ABLIM3: variants seen among roughly 807,000 people sequenced by gnomAD.
ABLIM3 encodes the protein actin-binding LIM protein 3.
ABLIM3 carries 61 observed loss-of-function variants against 109.5 expected under a neutral mutation model. The ratio of observed to expected loss-of-function variants is 0.56; its 90% confidence interval spans 0.45 to 0.69. The LOEUF (loss-of-function observed/expected upper bound fraction) is 0.69, where lower values mean the gene tolerates loss of function less well. Ranked by LOEUF, ABLIM3 falls within the 30% of genes least tolerant of loss-of-function variation. The probability of loss-of-function intolerance (pLI) is 0.00; values close to 1 mark genes in which losing one functional copy is unlikely to be tolerated. For synonymous variants in ABLIM3, 300 were observed against 324.8 expected, an observed-to-expected ratio of 0.92 and a Z score of 0.82; for missense variants, 796 against 889.5, an observed-to-expected ratio of 0.89 and a Z score of 1.34.
At chr5:149,185,714 CA>C (rs1225223098) in intron 3 of ABLIM3, among the ~76,000 whole-genome samples, 1 of 152,186 alleles carries the variant, frequency 6.6e-6, no homozygotes, top group African/African-American at 2.4e-5. Context: ...CAGCAATCAA[CA>C]TGACAATTAA....
chr5:149,207,244 G>A, intron 6 of ABLIM3, 110 bp downstream of exon 6: 1 of 1,456,378 alleles, frequency 6.9e-7, no homozygotes, highest in Non-Finnish European at 9.2e-7. Context: ...CTTTCCGTCT[G>A]CTGCTGCATT....
At chr5:149,252,564 T>C in intron 22 of ABLIM3, 193 bp from the exon 23 acceptor site, 1 of 591,592 alleles carries the variant, frequency 1.7e-6, no homozygotes, top group South Asian at 2.1e-5. Context: ...GGGGACTCTC[T>C]TGGGCCTTGT....
At chr5:149,150,580 T>C (rs1422191245) in intron 2 of ABLIM3, among the ~76,000 whole-genome samples, 2 of 152,208 alleles carry the variant, frequency 1.3e-5, no homozygotes, top group African/African-American at 4.8e-5. Flanking sequence ...TGATATCAAT[T>C]CTGAACTCCA....
intron 16 of ABLIM3, among the ~76,000 whole-genome samples, chr5:149,245,737 A>T (rs1218528119): frequency 1.3e-5 from 2 of 152,034 alleles, no homozygotes; most frequent in African/African-American, 4.8e-5. Context: ...ATACCACCTC[A>T]CCCAATCATA....
chr5:149,175,245 G>A (rs1037170714), intron 2 of ABLIM3, among the ~76,000 whole-genome samples: 5 of 152,086 alleles, frequency 3.3e-5, no homozygotes, highest in Admixed American at 2.6e-4. Context: ...ATATTAACTG[G>A]GATTTCCTTT....
At chr5:149,246,435 T>C (rs780430500) in intron 16 of ABLIM3, 47 bp from the exon 17 acceptor site, 2 of 1,581,698 alleles carry the variant, frequency 1.3e-6, no homozygotes, top group Non-Finnish European at 1.7e-6. Flanking sequence ...TAAGCCAGGC[T>C]GAGTGGGGTG....
At chr5:149,142,767 A>G (rs1470323683) in intron 2 of ABLIM3, among the ~76,000 whole-genome samples, 2 of 152,162 alleles carry the variant, frequency 1.3e-5, no homozygotes, top group Non-Finnish European at 2.9e-5. Context: ...TTGCAGAGCC[A>G]GGACCAGATA....
chr5:149,242,235 C>G (rs951058610), intron 14 of ABLIM3, among the ~76,000 whole-genome samples: 2 of 152,194 alleles, frequency 1.3e-5, no homozygotes, highest in Non-Finnish European at 2.9e-5. Flanking sequence ...CCTTCAAGCC[C>G]CAGGTCTCTT....
intron 2 of ABLIM3, among the ~76,000 whole-genome samples, chr5:149,175,935 G>A (rs554540577): frequency 2.2e-4 from 34 of 152,298 alleles, no homozygotes; most frequent in Middle Eastern, 3.4e-3. Context: ...CATGACCATG[G>A]AACATGCTGA....
intron 8 of ABLIM3, among the ~76,000 whole-genome samples, chr5:149,224,102 T>C (rs1308844125): frequency 6.6e-6 from 1 of 152,236 alleles, no homozygotes; most frequent in Non-Finnish European, 1.5e-5. Context: ...TGGCAGTTAT[T>C]ATTTTTTATA....
At chr5:149,238,126 C>T (rs553379960) in intron 11 of ABLIM3, among the ~76,000 whole-genome samples, 8 of 152,248 alleles carry the variant, frequency 5.3e-5, no homozygotes, top group East Asian at 1.9e-4. Context: ...AAGGAAGAGA[C>T]GCTTTTATAA....
At chr5:149,250,388 C>T (rs1753802717) in intron 19 of ABLIM3, 59 bp from the exon 20 acceptor site, 2 of 1,574,012 alleles carry the variant, frequency 1.3e-6, no homozygotes, top group Admixed American at 1.7e-5. Flanking sequence ...CAGATGACCT[C>T]AGGGAGAGGG....
At position 149,216,978 on chromosome 5, in the gene ABLIM3, A is replaced by G. The variant is rs1760159372; in HGVS notation, c.689A>G (p.His230Arg). ...RVLEAGGKHYHPTCARCVRCH... is the reference protein window; with the variant it reads ...RVLEAGGKHYRPTCARCVRCH... ...CCATAGGCAGGAGGGAAGCACTACC[A>G]CCCAACCTGTGCCAGGTGTGTACGC... is the stretch of plus-strand genomic sequence containing the variant. The change falls in exon 8 of 24, where the codon CAC becomes CGC. Residue 230 changes from histidine (H) to arginine (R), a missense_variant. By Grantham distance (29) the His-to-Arg change is conservative (BLOSUM62 0). Coordinates refer to ENST00000309868, the MANE Select transcript of ABLIM3 (RefSeq NM_014945.5). The G allele has an allele frequency of 6.2e-7, 1 of 1,614,026 alleles. No individual in the cohort carries two copies.
At chr5:149,213,196 C>A (rs143796554) in intron 7 of ABLIM3, among the ~76,000 whole-genome samples, 1 of 152,144 alleles carries the variant, frequency 6.6e-6, no homozygotes, top group East Asian at 1.9e-4. Flanking sequence ...ATCTTAAAAA[C>A]GTGAGGCTTT....
At chr5:149,204,133 A>C (rs1391558771) in intron 5 of ABLIM3, among the ~76,000 whole-genome samples, 1 of 152,222 alleles carries the variant, frequency 6.6e-6, no homozygotes, top group Non-Finnish European at 1.5e-5. Context: ...ATTTAAATAG[A>C]ATGAATGACA....
intron 23 of ABLIM3, 76 bp downstream of exon 23, chr5:149,252,913 G>C (rs1272783716): frequency 8.6e-7 from 1 of 1,159,414 alleles, no homozygotes; most frequent in Non-Finnish European, 1.3e-6. Context: ...TCCAGCTCAA[G>C]AGGGCTGGGT....
intron 3 of ABLIM3, among the ~76,000 whole-genome samples, chr5:149,186,357 T>C (rs1265892702): frequency 6.6e-6 from 1 of 151,908 alleles, no homozygotes; most frequent in Non-Finnish European, 1.5e-5. Flanking sequence ...GAGGTTGCAG[T>C]GAGTCAAGAT....
intron 3 of ABLIM3, among the ~76,000 whole-genome samples, chr5:149,191,277 CAT>C (rs1399548935): frequency 6.7e-6 from 1 of 150,308 alleles, no homozygotes; most frequent in Non-Finnish European, 1.5e-5. Context: ...AAATTAAAGA[CAT>C]AAAAAGAAAT....
intron 15 of ABLIM3, chr5:149,243,873 A>G (rs369943333): frequency 6.3e-4 from 96 of 152,286 alleles, no homozygotes; most frequent in Non-Finnish European, 1.2e-3. Context: ...GGCGGAGGAA[A>G]AAGCTAAATG....
Sources: allele counts gnomAD v4.1 joint callset (sites outside exome capture counted in the v4.1 genomes callset), GRCh38; gene constraint gnomAD v4.1.1; transcripts MANE v1.5; gene names NCBI Gene and HGNC (gene_info 2026-07-23, HGNC 2026-07-21).